The following ARHGAP15 variants were observed in gnomAD, a reference collection of about 807,000 sequenced individuals.
The protein encoded by ARHGAP15 is Rho GTPase activating protein 15.
ARHGAP15 carries 51 observed loss-of-function variants against 63.7 expected under a neutral mutation model. The ratio of observed to expected loss-of-function variants is 0.80; its 90% CI spans 0.64 to 1.01. ARHGAP15 has a LOEUF of 1.01. Among genes scored for constraint, ARHGAP15 ranks in the 50% least tolerant of loss-of-function variants. The pLI is 0.00. For synonymous variants in ARHGAP15, 191 were observed against 193.8 expected (o/e 0.99, Z 0.12); for missense variants, 560 against 564.6 (o/e 0.99, Z 0.08).
intron 13 of ARHGAP15, among the ~76,000 whole-genome samples, chr2:143,760,692 A>G (rs563655601): frequency 6.6e-6 from 1 of 152,264 alleles, no homozygotes; most frequent in South Asian, 2.1e-4. Flanking sequence ...TCAAAATTCA[A>G]CTGCCATATA....
chr2:143,393,034 C>A (rs933271711), intron 6 of ARHGAP15, among the ~76,000 whole-genome samples: 18 of 152,158 alleles, frequency 1.2e-4, no homozygotes, highest in African/African-American at 3.9e-4. Context: ...TTAGCTTTTT[C>A]CCCTCTTTTA....
At chr2:143,397,822 A>G (rs1403118018) in intron 6 of ARHGAP15, among the ~76,000 whole-genome samples, 1 of 152,100 alleles carries the variant, frequency 6.6e-6, no homozygotes. Context: ...TTCATTTAGA[A>G]TATTTGGAGT....
intron 12 of ARHGAP15, among the ~76,000 whole-genome samples, chr2:143,694,855 A>G (rs1683773062): frequency 6.6e-6 from 1 of 152,200 alleles, no homozygotes. Flanking sequence ...TTCAAAAACA[A>G]TATTTTTAAC....
At chr2:143,700,686 G>C (rs761266025) in intron 12 of ARHGAP15, among the ~76,000 whole-genome samples, 1 of 145,106 alleles carries the variant, frequency 6.9e-6, no homozygotes, top group South Asian at 2.2e-4. Flanking sequence ...ATATATATAT[G>C]AGTGTGTGTG....
At chr2:143,315,069 C>G (rs897549052) in intron 6 of ARHGAP15, among the ~76,000 whole-genome samples, 4 of 152,120 alleles carry the variant, frequency 2.6e-5, no homozygotes, top group Non-Finnish European at 2.9e-5. Flanking sequence ...TTTAGGGAGC[C>G]TATTTAATCC....
intron 6 of ARHGAP15, among the ~76,000 whole-genome samples, chr2:143,256,214 C>T (rs568238423): frequency 6.6e-6 from 1 of 152,230 alleles, no homozygotes; most frequent in South Asian, 2.1e-4. Context: ...TTTCATTATT[C>T]ATCTACTAAC....
At chr2:143,552,473 T>C (rs963015376) in intron 10 of ARHGAP15, among the ~76,000 whole-genome samples, 1 of 152,084 alleles carries the variant, frequency 6.6e-6, no homozygotes. Flanking sequence ...ACAGCTGCAT[T>C]CTTTCCACTG....
At chr2:143,266,995 G>A (rs1227260548) in intron 6 of ARHGAP15, among the ~76,000 whole-genome samples, 2 of 152,102 alleles carry the variant, frequency 1.3e-5, no homozygotes, top group African/African-American at 2.4e-5. Context: ...GGTGTGACAA[G>A]CAACATGTTT....
At chr2:143,393,732 A>T (rs1343488605) in intron 6 of ARHGAP15, among the ~76,000 whole-genome samples, 3 of 149,792 alleles carry the variant, frequency 2.0e-5, no homozygotes, top group African/African-American at 4.9e-5. Flanking sequence ...TGTCTAAAAA[A>T]AAAAAAAAAA....
At chr2:143,186,213 T>C (rs972830295) in intron 2 of ARHGAP15, among the ~76,000 whole-genome samples, 9 of 152,308 alleles carry the variant, frequency 5.9e-5, no homozygotes, top group Admixed American at 5.9e-4. Flanking sequence ...ATTTTCTTTG[T>C]TTATGAATAA....
chr2:143,307,802 G>T (rs1683244191), intron 6 of ARHGAP15, among the ~76,000 whole-genome samples: 1 of 152,038 alleles, frequency 6.6e-6, no homozygotes, highest in African/African-American at 2.4e-5. Flanking sequence ...TACATAATTT[G>T]AAATATTTTC....
At chr2:143,253,583 C>G (rs1478081245) in intron 6 of ARHGAP15, among the ~76,000 whole-genome samples, 1 of 151,894 alleles carries the variant, frequency 6.6e-6, no homozygotes, top group Non-Finnish European at 1.5e-5. Flanking sequence ...ATGATACTTG[C>G]TAAGTTTAAG....
chr2:143,760,146 T>C (rs1394060167), intron 13 of ARHGAP15, among the ~76,000 whole-genome samples: 3 of 152,156 alleles, frequency 2.0e-5, no homozygotes, highest in Non-Finnish European at 2.9e-5. Context: ...AAGTACGCAA[T>C]AGATTTTTAT....
At chr2:143,303,450 T>C (rs1683011641) in intron 6 of ARHGAP15, among the ~76,000 whole-genome samples, 1 of 151,948 alleles carries the variant, frequency 6.6e-6, no homozygotes, top group South Asian at 2.1e-4. Context: ...TCCTTACACC[T>C]TATATAAAAA....
At chr2:143,389,260 T>G (rs1687438402) in intron 6 of ARHGAP15, among the ~76,000 whole-genome samples, 1 of 152,054 alleles carries the variant, frequency 6.6e-6, no homozygotes, top group Non-Finnish European at 1.5e-5. Flanking sequence ...CAGGTGAAAA[T>G]GTGATTATGA....
chr2:143,572,567 T>C (rs1349043760), intron 11 of ARHGAP15, among the ~76,000 whole-genome samples: 1 of 152,136 alleles, frequency 6.6e-6, no homozygotes, highest in African/African-American at 2.4e-5. Flanking sequence ...CGTCATATAA[T>C]CAGGTAAATA....
rs900473076 is a variant in ARHGAP15 at position 143,456,598 on chromosome 2, A to G, written c.703+19556A>G. ...CCATGAGCTGTTCTAAGCATGTAGC[A>G]TGTATTTTCTCATCTTCAAGACAGT... On this transcript the variant is annotated intron_variant, in intron 8 of 13. Transcript: ENST00000295095. 3.0e-4 allele frequency among the ~76,000 whole-genome samples: 37 copies of G among 122,150 alleles called. No individual in the cohort carries two copies. The Admixed American group carries it at 3.1e-3, about 10-fold the overall frequency. 80.1% of individuals were successfully genotyped at this position (122,150 alleles called of 152,430 possible). A position where few individuals can be genotyped will look rare whatever the true frequency, so the allele number is the denominator to read the frequency against.
rs574007205 is a variant in ARHGAP15, at chr2:143,386,384, A to G, written c.475-49217A>G. ...TAATTTAGAGCTTGTTTTGTAGTTAAGGAATACAATTTTTGCAAATGCCAG... is the reference window on the plus strand; with the variant it reads ...TAATTTAGAGCTTGTTTTGTAGTTAGGGAATACAATTTTTGCAAATGCCAG... On this transcript the variant is annotated intron_variant, in intron 6 of 13. Transcript: ENST00000295095. Among the ~76,000 whole-genome samples, 29 of 152,216 alleles carry G rather than the reference A, an allele frequency of 1.9e-4. 1 individual carries two copies. The highest frequency in any genetic ancestry group is 4.3e-4 in the Non-Finnish European group (29 of 68,030).
chr2:143,136,935 C>T (rs1689167684), intron 1 of ARHGAP15, among the ~76,000 whole-genome samples: 1 of 151,956 alleles, frequency 6.6e-6, no homozygotes, highest in African/African-American at 2.4e-5. Context: ...CACTTCTTTC[C>T]ACTTCCACTG....
Sources: gnomAD v4.1 joint callset for allele counts (sites outside exome capture counted in the v4.1 genomes callset) on GRCh38, gnomAD v4.1.1 for gene constraint, MANE v1.5 for transcripts, NCBI Gene and HGNC (gene_info 2026-07-23, HGNC 2026-07-21) for gene names.